The following PDZRN4 variants were observed in gnomAD, a reference collection of about 807,000 sequenced individuals.
PDZRN4 encodes PDZ domain-containing RING finger protein 4.
In PDZRN4, 70 loss-of-function variants were observed where a neutral mutation model predicts 99.0. The observed-to-expected ratio is 0.71, with a 90% confidence interval of 0.58 to 0.86. PDZRN4 has a LOEUF of 0.86. PDZRN4 is among the 40% of genes least tolerant of loss of function. The pLI, the probability that PDZRN4 is intolerant of heterozygous loss-of-function variation, is 0.00. For synonymous variants in PDZRN4, 551 were observed against 501.6 expected (o/e 1.10, Z -1.32); for missense variants, 1,474 against 1,331.2 (o/e 1.11, Z -1.67).
chr12:41,357,694 A>C (rs1173526568), intron 3 of PDZRN4, among the ~76,000 whole-genome samples: 5 of 152,006 alleles, frequency 3.3e-5, no homozygotes, highest in Non-Finnish European at 7.4e-5. Flanking sequence ...AATGCATGCA[A>C]CTTTTTGAAT....
chr12:41,527,879 C>T (rs1938596419), intron 5 of PDZRN4, among the ~76,000 whole-genome samples: 1 of 152,164 alleles, frequency 6.6e-6, no homozygotes, highest in Non-Finnish European at 1.5e-5. Context: ...CTATTTCCAC[C>T]CAAATAGCCC....
intron 3 of PDZRN4, among the ~76,000 whole-genome samples, chr12:41,329,031 C>G (rs896192907): frequency 6.6e-6 from 1 of 152,078 alleles, no homozygotes; most frequent in South Asian, 2.1e-4. Context: ...AGGTGATTGT[C>G]TTCTCTTTAG....
chr12:41,292,480 A>C (rs2120911755), intron 3 of PDZRN4, among the ~76,000 whole-genome samples: 1 of 152,268 alleles, frequency 6.6e-6, no homozygotes, highest in East Asian at 1.9e-4. Flanking sequence ...GTGTTTTTGA[A>C]GTTACCATTT....
intron 3 of PDZRN4, among the ~76,000 whole-genome samples, chr12:41,380,629 C>T (rs118067023): frequency 0.013 from 1,937 of 152,090 alleles, 21 homozygotes; most frequent in Middle Eastern, 0.037. Context: ...CTTATTTCCC[C>T]CTTTTCATTT....
chr12:41,315,603 C>A, intron 3 of PDZRN4, among the ~76,000 whole-genome samples: 1 of 151,814 alleles, frequency 6.6e-6, no homozygotes, highest in African/African-American at 2.4e-5. Context: ...ATTATAAATG[C>A]AGTTTTGATA....
chr12:41,402,874 G>T (rs1023312787), intron 3 of PDZRN4, among the ~76,000 whole-genome samples: 1 of 151,712 alleles, frequency 6.6e-6, no homozygotes, highest in African/African-American at 2.4e-5. Context: ...ACAGCACCTG[G>T]CACAGTGTTT....
intron 3 of PDZRN4, among the ~76,000 whole-genome samples, chr12:41,448,449 A>G (rs2120492661): frequency 6.6e-6 from 1 of 152,148 alleles, no homozygotes; most frequent in Non-Finnish European, 1.5e-5. Context: ...CATTCTTCTC[A>G]ATGATTCTCT....
At chr12:41,538,219 T>A (rs1471764552) in intron 5 of PDZRN4, among the ~76,000 whole-genome samples, 1 of 152,174 alleles carries the variant, frequency 6.6e-6, no homozygotes, top group African/African-American at 2.4e-5. Flanking sequence ...GTAACCATCT[T>A]GATAATAACA....
At chr12:41,233,747 A>T (rs184769438) in intron 3 of PDZRN4, among the ~76,000 whole-genome samples, 1 of 151,804 alleles carries the variant, frequency 6.6e-6, no homozygotes, top group East Asian at 1.9e-4. Flanking sequence ...ATGAGAACAC[A>T]TGGACACAGG....
At chr12:41,240,806 T>C (rs930602510) in intron 3 of PDZRN4, among the ~76,000 whole-genome samples, 2 of 152,152 alleles carry the variant, frequency 1.3e-5, no homozygotes, top group African/African-American at 4.8e-5. Context: ...CTATTCACTA[T>C]TCATAAGGGC....
At chr12:41,299,662 T>G (rs950435917) in intron 3 of PDZRN4, among the ~76,000 whole-genome samples, 1 of 151,874 alleles carries the variant, frequency 6.6e-6, no homozygotes, top group African/African-American at 2.4e-5. Flanking sequence ...TTATTTTAAT[T>G]TAATTTTATG....
intron 3 of PDZRN4, among the ~76,000 whole-genome samples, chr12:41,448,351 CT>C (rs1270425493): frequency 6.6e-6 from 1 of 152,136 alleles, no homozygotes; most frequent in African/African-American, 2.4e-5. Flanking sequence ...TTCCTCACCC[CT>C]ATTCTGGTAA....
intron 3 of PDZRN4, among the ~76,000 whole-genome samples, chr12:41,407,010 T>A (rs1952355481): frequency 6.6e-6 from 1 of 152,088 alleles, no homozygotes; most frequent in Admixed American, 6.6e-5. Flanking sequence ...AACCTTTAGG[T>A]GTTCAAGAAA....
intron 3 of PDZRN4, among the ~76,000 whole-genome samples, chr12:41,245,941 A>G (rs1202820031): frequency 6.6e-6 from 1 of 152,186 alleles, no homozygotes; most frequent in East Asian, 1.9e-4. Flanking sequence ...TTAGAGGGGT[A>G]GTCTGGGGAA....
At chr12:41,310,465 A>C (rs1487964075) in intron 3 of PDZRN4, among the ~76,000 whole-genome samples, 1 of 151,978 alleles carries the variant, frequency 6.6e-6, no homozygotes, top group Admixed American at 6.6e-5. Flanking sequence ...AGCTCTATTC[A>C]GTTGCTCTTA....
chr12:41,401,105 A>G (rs1176606343), intron 3 of PDZRN4, among the ~76,000 whole-genome samples: 7 of 152,200 alleles, frequency 4.6e-5, no homozygotes, highest in Admixed American at 1.3e-4. Context: ...ATCCACTTAC[A>G]GACAATTGAA....
intron 2 of PDZRN4, among the ~76,000 whole-genome samples, chr12:41,193,227 A>G (rs1950746916): frequency 1.3e-5 from 2 of 152,178 alleles, no homozygotes; most frequent in African/African-American, 4.8e-5. Context: ...TATAGATTCT[A>G]TTTTGGTATT....
At position 41,573,134 on chromosome 12, in the gene PDZRN4, G is replaced by A. The variant is rs1939513901; in HGVS notation, c.2355G>A (p.Gln785=). 2 of 1,614,052 alleles carry A rather than the reference G, an allele frequency of 1.2e-6. No homozygotes were observed. The highest frequency in any genetic ancestry group is 1.7e-6 in the Non-Finnish European group (2 of 1,180,032). ...CAGCCACCCAGTCCTCTTCCGGACA[G>A]AGCAGTAAAGAGTCGACCTCCACCA... The part of the protein sequence containing the change: ...TMAATQSSSG[Q]SSKESTSTKA... Residue 785 remains glutamine, a synonymous_variant, in exon 10 of 10, where the codon CAG becomes CAA. Coordinates refer to ENST00000402685, the MANE Select transcript of PDZRN4 (RefSeq NM_001164595.2).
chr12:41,355,990 G>A (rs1231886837), intron 3 of PDZRN4, among the ~76,000 whole-genome samples: 5 of 151,978 alleles, frequency 3.3e-5, no homozygotes, highest in Non-Finnish European at 1.5e-5. Flanking sequence ...AAAATTATAT[G>A]TGAACATTCA....
Sources: allele counts gnomAD v4.1 joint callset (sites outside exome capture counted in the v4.1 genomes callset), GRCh38; gene constraint gnomAD v4.1.1; transcripts MANE v1.5; gene names NCBI Gene and HGNC (gene_info 2026-07-23, HGNC 2026-07-21).